Variants in SLC18A1 observed in about 807,000 individuals in gnomAD.
SLC18A1 encodes solute carrier family 18 member A1.
Under a neutral mutation model 53.7 loss-of-function variants are expected in SLC18A1, and 69 were observed. The ratio of observed to expected loss-of-function variants is 1.28; its 90% CI spans 1.06 to 1.57. SLC18A1 has a LOEUF of 1.57. Ranked by LOEUF, SLC18A1 falls within the 40% of genes most tolerant of loss-of-function variation. SLC18A1 has a pLI of 0.00. For missense variants in SLC18A1, 932 were observed against 668.1 expected (o/e 1.40, Z -4.35); for synonymous variants, 320 against 248.1 (o/e 1.29, Z -2.72).
intron 11 of SLC18A1, 58 bp downstream of exon 11, chr8:20,150,608 A>G (rs1252719773): frequency 6.4e-6 from 9 of 1,405,810 alleles, no homozygotes; most frequent in African/African-American, 1.4e-5. Context: ...AAGATCAGGA[A>G]CGGGCGCTCT....
At position 20,148,440 on chromosome 8, in the gene SLC18A1, C is replaced by T. The variant is rs2071461951; in HGVS notation, c.1147-370G>A. The T allele has an allele frequency of 1.3e-5, 17 of 1,291,526 alleles. No individual in the cohort carries two copies. The South Asian group carries it at 1.9e-4, about 14-fold the overall frequency. 80.0% of individuals were successfully genotyped at this position (1,291,526 alleles called of 1,614,324 possible). ...CTAAACATACACTCCTGGTCTCATT[C>T]TTCATGGAATAAAGTTGCCTCTGTT... On this transcript the variant is annotated intron_variant, in intron 12 of 15. Coordinates refer to ENST00000276373, the MANE Select transcript of SLC18A1 (RefSeq NM_003053.4).
chr8:20,160,371 C>T (rs1307779433), intron 10 of SLC18A1, among the ~76,000 whole-genome samples: 1 of 150,460 alleles, frequency 6.6e-6, no homozygotes, highest in African/African-American at 2.5e-5. Context: ...CCACGTTGCT[C>T]GTTCTTTAGG....
intron 11 of SLC18A1, 23 bp downstream of exon 11, chr8:20,150,643 T>A: frequency 6.2e-7 from 1 of 1,604,732 alleles, no homozygotes; most frequent in Non-Finnish European, 8.5e-7. Context: ...CTACTGTTCG[T>A]CCCAGATCCC....
chr8:20,177,371 T>C (rs1467060768), intron 4 of SLC18A1, among the ~76,000 whole-genome samples: 1 of 151,928 alleles, frequency 6.6e-6, no homozygotes, highest in East Asian at 1.9e-4. Flanking sequence ...AGACAGAAAG[T>C]AGACAAGGAA....
intron 12 of SLC18A1, among the ~76,000 whole-genome samples, chr8:20,149,317 T>C (rs1047396478): frequency 3.5e-4 from 53 of 152,002 alleles, no homozygotes; most frequent in Non-Finnish European, 4.9e-4. Context: ...AACGCACCAT[T>C]TTGCCATCCC....
intron 10 of SLC18A1, among the ~76,000 whole-genome samples, chr8:20,164,339 T>C (rs987607120): frequency 6.6e-6 from 1 of 152,060 alleles, no homozygotes; most frequent in African/African-American, 2.4e-5. Flanking sequence ...CATACACCCC[T>C]TTTTAGAGGT....
At chr8:20,154,201 A>G (rs1278477743) in intron 10 of SLC18A1, among the ~76,000 whole-genome samples, 1 of 152,240 alleles carries the variant, frequency 6.6e-6, no homozygotes, top group Admixed American at 6.5e-5. Context: ...TGCAAAATGA[A>G]CTAATACACA....
intron 8 of SLC18A1, among the ~76,000 whole-genome samples, chr8:20,170,097 G>T (rs1231959340): frequency 1.3e-5 from 2 of 152,128 alleles, no homozygotes; most frequent in Non-Finnish European, 2.9e-5. Context: ...CTTGCCCTGA[G>T]GAGTCCTGGA....
chr8:20,158,730 GC>G (rs1258366699), intron 10 of SLC18A1, among the ~76,000 whole-genome samples: 1 of 152,096 alleles, frequency 6.6e-6, no homozygotes, highest in African/African-American at 2.4e-5. Flanking sequence ...TATCAGTGAG[GC>G]TATTGTCCCT....
rs999984061 is a variant in SLC18A1, at chr8:20,178,475, G to T, written c.507C>A (p.Pro169=). The T allele has an allele frequency of 5.0e-6, 8 of 1,609,788 alleles. No homozygotes were observed. Among genetic ancestry groups the T allele is most frequent in the Non-Finnish European group, 5.1e-6 (6 of 1,178,274 alleles). Residue 169 remains proline, a synonymous_variant, in exon 4 of 16, where the codon CCC becomes CCA. Transcript: ENST00000276373. ...PLTNRIGYHI[P]MFAGFVIMFL... ...ACATGATAACAAAGCCAGCAAACATGGGGATATGATATCCAATCCTAAAAG... is the reference window on the plus strand; with the variant it reads ...ACATGATAACAAAGCCAGCAAACATTGGGATATGATATCCAATCCTAAAAG...
At chr8:20,156,830 G>A (rs1291481060) in intron 10 of SLC18A1, among the ~76,000 whole-genome samples, 1 of 152,188 alleles carries the variant, frequency 6.6e-6, no homozygotes, top group Non-Finnish European at 1.5e-5. Context: ...GACTCAAAGG[G>A]TTACCTACAC....
chr8:20,180,947 C>G lies in SLC18A1; in HGVS notation c.18G>C (p.Leu6=). ...CCTTCAGCAACCGCTGGGGAGCATC[C>G]AGAATGGTCCGGAGCATGGTGATGG... is the stretch of plus-strand genomic sequence containing the variant. MLRTI[L]DAPQRLLKEG... The change falls in exon 2 of 16, where the codon CTG becomes CTC. Residue 6 remains leucine, a synonymous_variant. Coordinates refer to ENST00000276373, the MANE Select transcript of SLC18A1 (RefSeq NM_003053.4). 1 of 1,584,546 alleles carries G rather than the reference C, an allele frequency of 6.3e-7. No individual in the cohort carries two copies. Among genetic ancestry groups the G allele is most frequent in the Non-Finnish European group, 8.6e-7 (1 of 1,166,092 alleles).
chr8:20,161,456 G>C (rs867165198), intron 10 of SLC18A1, among the ~76,000 whole-genome samples: 4 of 152,276 alleles, frequency 2.6e-5, no homozygotes, highest in Non-Finnish European at 5.9e-5. Context: ...GGTGTTACAA[G>C]TCATTGAGAA....
At chr8:20,163,053 G>C (rs1038335628) in intron 10 of SLC18A1, among the ~76,000 whole-genome samples, 2 of 152,204 alleles carry the variant, frequency 1.3e-5, no homozygotes, top group Admixed American at 1.3e-4. Context: ...CAATGAAAGA[G>C]ATTTATTTGG....
At position 20,164,888 on chromosome 8, in the gene SLC18A1, G is replaced by A; in HGVS notation, c.996C>T (p.Cys332=). 6.2e-7 allele frequency: 1 copy of A among 1,611,180 alleles called. No individual in the cohort carries two copies. Among genetic ancestry groups the A allele is most frequent in the Non-Finnish European group, 8.5e-7 (1 of 1,177,682 alleles). The change falls in exon 10 of 16, where the codon TGC becomes TGT. Residue 332 remains cysteine, a synonymous_variant. Transcript: ENST00000276373. ...TLPIWMMQTM[C]SPKWQLGLAF... is the part of the protein sequence containing the mutation. ...ACTTACCCAGCTGCCACTTGGGGGA[G>A]CACATGGTCTGCATCATCCAGATGG...
rs148570754 is a variant in SLC18A1 at position 20,164,496 on chromosome 8, T to C, written c.1015+373A>G. Among the ~76,000 whole-genome samples the C allele has an allele frequency of 7.5e-3, 1,147 of 152,298 alleles. 17 individuals carry two copies. The highest frequency in any genetic ancestry group is 0.026 in the African/African-American group (1,096 of 41,558). On this transcript the variant is annotated intron_variant, in intron 10 of 15. Transcript: ENST00000276373. ...TTCATCCAATTTCTCTTGAACTAGATAGTATTTTGATGCTCATTTTAGCAA... is the reference window on the plus strand; with the variant it reads ...TTCATCCAATTTCTCTTGAACTAGACAGTATTTTGATGCTCATTTTAGCAA...
Position 20,158,316 on chromosome 8 carries a change from C to G in SLC18A1, c.1015+6553G>C, listed in dbSNP as rs147231551. On this transcript the variant is annotated intron_variant, in intron 10 of 15. Transcript: ENST00000276373. ...TAAGTTGTGACTGGAGAACTTTGCT[C>G]TTTTCACATGCCTTTCTAATTATGC... Among the ~76,000 whole-genome samples, 338 of 152,302 alleles carry G rather than the reference C, an allele frequency of 2.2e-3. 2 individuals carry two copies. The highest frequency in any genetic ancestry group is 7.2e-3 in the African/African-American group (300 of 41,576).
intron 15 of SLC18A1, among the ~76,000 whole-genome samples, chr8:20,146,364 C>G (rs2071398277): frequency 6.6e-6 from 1 of 152,172 alleles, no homozygotes; most frequent in African/African-American, 2.4e-5. Flanking sequence ...TATATCAACC[C>G]TTGTCAGGAC....
chr8:20,168,960 A>G (rs866672391), intron 8 of SLC18A1, among the ~76,000 whole-genome samples: 1 of 152,200 alleles, frequency 6.6e-6, no homozygotes, highest in Non-Finnish European at 1.5e-5. Context: ...AAATCTAGGC[A>G]GAAAGGAAAT....
Sources: allele counts gnomAD v4.1 joint callset (sites outside exome capture counted in the v4.1 genomes callset), GRCh38; gene constraint gnomAD v4.1.1; transcripts MANE v1.5; gene names NCBI Gene and HGNC (gene_info 2026-07-23, HGNC 2026-07-21).